The following SUPT3H variants were observed in gnomAD, a reference collection of about 807,000 sequenced individuals.
SUPT3H encodes transcription initiation protein SPT3 homolog.
A neutral mutation model predicts 44.3 loss-of-function variants in SUPT3H; 44 were observed. The ratio of observed to expected loss-of-function variants is 0.99; its 90% confidence interval spans 0.78 to 1.28. The LOEUF is 1.28. SUPT3H is among the 50% of genes most tolerant of loss of function. The probability of loss-of-function intolerance (pLI) is 0.00; values close to 1 mark genes in which losing one functional copy is unlikely to be tolerated. For synonymous variants in SUPT3H, 124 were observed against 125.6 expected (o/e 0.99, Z 0.09); for missense variants, 380 against 387.1 (o/e 0.98, Z 0.15).
At chr6:44,992,757 T>C (rs1780767366) in intron 6 of SUPT3H, among the ~76,000 whole-genome samples, 1 of 152,100 alleles carries the variant, frequency 6.6e-6, no homozygotes, top group East Asian at 1.9e-4. Context: ...ATGGGAATGG[T>C]ACTAATATTG....
At chr6:45,283,673 C>A (rs1041608765) in intron 2 of SUPT3H, among the ~76,000 whole-genome samples, 2 of 151,872 alleles carry the variant, frequency 1.3e-5, no homozygotes, top group Admixed American at 6.6e-5. Flanking sequence ...ACTAGACAGA[C>A]CAACGAGACA....
At chr6:45,065,025 C>G (rs1792997356) in intron 3 of SUPT3H, among the ~76,000 whole-genome samples, 1 of 151,048 alleles carries the variant, frequency 6.6e-6, no homozygotes, top group South Asian at 2.1e-4. Context: ...CAGCACCACA[C>G]CACACCTATT....
At position 44,892,915 on chromosome 6, in the gene SUPT3H, G is replaced by A. The variant is rs143173561; in HGVS notation, c.912+39738C>T. On this transcript the variant is annotated intron_variant, in intron 10 of 10. Transcript: ENST00000371459. ...TAAAATCTCTTTCAGAAATTCAGCT[G>A]AATTTTTCTGATTTTGTACTTTACT... Among the ~76,000 whole-genome samples, 660 of 152,144 alleles carry A rather than the reference G, an allele frequency of 4.3e-3. 2 individuals are homozygous for A. The highest frequency in any genetic ancestry group is 0.014 in the African/African-American group (579 of 41,520).
intron 3 of SUPT3H, among the ~76,000 whole-genome samples, chr6:45,043,182 A>ACACACACAC (rs1562325647): frequency 6.5e-4 from 75 of 114,892 alleles, no homozygotes; most frequent in African/African-American, 2.3e-3. Context: ...CACACACACA[A>ACACACACAC]ACACCAAAAC....
intron 5 of SUPT3H, among the ~76,000 whole-genome samples, chr6:45,008,946 G>C (rs964758178): frequency 2.0e-5 from 3 of 152,022 alleles, no homozygotes; most frequent in Non-Finnish European, 4.4e-5. Flanking sequence ...TTACTATGTT[G>C]GCCAGGCTGG....
At chr6:45,231,644 G>C (rs1768072133) in intron 2 of SUPT3H, among the ~76,000 whole-genome samples, 1 of 152,144 alleles carries the variant, frequency 6.6e-6, no homozygotes, top group Non-Finnish European at 1.5e-5. Flanking sequence ...TCTCTTGCTA[G>C]ACTTAGGAAG....
In SUPT3H at chr6:44,903,050, T is replaced by C. The variant is rs1257841395; in HGVS notation, c.912+29603A>G. Among the ~76,000 whole-genome samples the C allele has an allele frequency of 2.0e-5, 3 of 152,082 alleles. No homozygotes were observed. In the South Asian group the frequency reaches 6.2e-4, roughly 32 times the overall value. ...AAAGCAGTGTGTAGAGGGAAATTTATAGCACTAAATGCCCACAAGAGAAAG... is the reference window on the plus strand; with the variant it reads ...AAAGCAGTGTGTAGAGGGAAATTTACAGCACTAAATGCCCACAAGAGAAAG... On this transcript the variant is annotated intron_variant, in intron 10 of 10. Transcript: ENST00000371459.
At chr6:45,071,373 A>C (rs1018364512) in intron 3 of SUPT3H, among the ~76,000 whole-genome samples, 39 of 152,292 alleles carry the variant, frequency 2.6e-4, no homozygotes, top group African/African-American at 8.9e-4. Context: ...CAAACCCAGT[A>C]AACTCTTTAT....
chr6:45,279,709 A>T (rs1777632443), intron 2 of SUPT3H, among the ~76,000 whole-genome samples: 1 of 152,162 alleles, frequency 6.6e-6, no homozygotes, highest in Admixed American at 6.5e-5. Context: ...TTCATAAATT[A>T]CCGAGTTCAC....
chr6:44,867,296 C>A (rs1229426355), intron 10 of SUPT3H, among the ~76,000 whole-genome samples: 10 of 152,040 alleles, frequency 6.6e-5, no homozygotes, highest in Admixed American at 6.6e-4. Context: ...GGATTACAGG[C>A]AGGCATCATC....
chr6:45,369,770 C>T (rs1225465178), intron 1 of SUPT3H, among the ~76,000 whole-genome samples: 1 of 152,092 alleles, frequency 6.6e-6, no homozygotes, highest in Non-Finnish European at 1.5e-5. Flanking sequence ...CATTATAATG[C>T]AAGAGACAAG....
intron 2 of SUPT3H, among the ~76,000 whole-genome samples, chr6:45,302,347 T>A (rs951986570): frequency 1.3e-5 from 2 of 151,684 alleles, no homozygotes; most frequent in African/African-American, 2.4e-5. Context: ...TGAGTGAGAA[T>A]ATACAATGTT....
At chr6:45,187,840 T>C (rs530810834) in intron 2 of SUPT3H, among the ~76,000 whole-genome samples, 7 of 152,320 alleles carry the variant, frequency 4.6e-5, no homozygotes, top group African/African-American at 1.2e-4. Flanking sequence ...TCTGGCAATA[T>C]AGAAAAATAA....
chr6:45,346,112 A>G (rs1377167064), intron 2 of SUPT3H, among the ~76,000 whole-genome samples: 1 of 152,046 alleles, frequency 6.6e-6, no homozygotes, highest in Non-Finnish European at 1.5e-5. Flanking sequence ...CCACCTCCAT[A>G]TTCCTATAGT....
intron 7 of SUPT3H, among the ~76,000 whole-genome samples, chr6:44,955,896 C>T (rs529719227): frequency 1.4e-5 from 2 of 146,520 alleles, no homozygotes; most frequent in Admixed American, 6.8e-5. Flanking sequence ...CGACGCGGGC[C>T]GATCACGAGG....
intron 10 of SUPT3H, among the ~76,000 whole-genome samples, chr6:44,892,322 T>G (rs1763434811): frequency 6.6e-6 from 1 of 151,936 alleles, no homozygotes; most frequent in African/African-American, 2.4e-5. Context: ...GGGATCTCTC[T>G]CTCCACAGAC....
At chr6:45,219,382 A>G (rs1334753098) in intron 2 of SUPT3H, among the ~76,000 whole-genome samples, 1 of 151,958 alleles carries the variant, frequency 6.6e-6, no homozygotes, top group Non-Finnish European at 1.5e-5. Flanking sequence ...CACAAACGCC[A>G]GGAATGAAAA....
chr6:44,953,145 C>A (rs1392295916), intron 9 of SUPT3H, among the ~76,000 whole-genome samples, 165 bp downstream of exon 9: 2 of 152,190 alleles, frequency 1.3e-5, no homozygotes, highest in Non-Finnish European at 2.9e-5. Context: ...GCCTGGCACA[C>A]AGTAGGTGCT....
chr6:45,178,441 CTT>C, intron 2 of SUPT3H, among the ~76,000 whole-genome samples: 1 of 152,084 alleles, frequency 6.6e-6, no homozygotes, highest in East Asian at 1.9e-4. Flanking sequence ...TACAAAGAGA[CTT>C]AGACTCCCAC....
Sources: gnomAD v4.1 joint callset for allele counts (sites outside exome capture counted in the v4.1 genomes callset) on GRCh38, gnomAD v4.1.1 for gene constraint, MANE v1.5 for transcripts, NCBI Gene and HGNC (gene_info 2026-07-23, HGNC 2026-07-21) for gene names.